The following PCDHA12 variants were observed in gnomAD, a reference collection of about 807,000 sequenced individuals.
PCDHA12 encodes protocadherin alpha 12.
A neutral mutation model predicts 60.0 loss-of-function variants in PCDHA12; 44 were observed. The observed-to-expected ratio is 0.73, with a 90% CI of 0.58 to 0.94. PCDHA12 has a LOEUF of 0.94. Ranked by LOEUF, PCDHA12 falls within the 40% of genes least tolerant of loss-of-function variation. The pLI, the probability that PCDHA12 is intolerant of heterozygous loss-of-function variation, is 0.00. For missense variants in PCDHA12, 1,276 were observed against 1,239.7 expected (o/e 1.03, Z -0.44); for synonymous variants, 569 against 553.0 (o/e 1.03, Z -0.40).
At chr5:140,901,433 A>G (rs1472475784) in intron 1 of PCDHA12, among the ~76,000 whole-genome samples, 2 of 152,104 alleles carry the variant, frequency 1.3e-5, no homozygotes, top group Non-Finnish European at 2.9e-5. Flanking sequence ...CTGCATATGG[A>G]TATCTAGTTT....
chr5:140,922,085 AT>A (rs1453055437), intron 1 of PCDHA12, among the ~76,000 whole-genome samples: 1 of 152,194 alleles, frequency 6.6e-6, no homozygotes, highest in Non-Finnish European at 1.5e-5. Context: ...AAAAAGTGGT[AT>A]TTCTACCAAC....
In PCDHA12 at chr5:140,876,795, G is replaced by A. The variant is rs782560755; in HGVS notation, c.1323G>A (p.Val441=). ...GSPSLWATAR[V]SVEVADVNDN... is the part of the protein sequence containing the mutation. ...CTTCGCTGTGGGCCACGGCTAGAGTGTCCGTGGAGGTGGCCGACGTGAACG... is the reference window on the plus strand; with the variant it reads ...CTTCGCTGTGGGCCACGGCTAGAGTATCCGTGGAGGTGGCCGACGTGAACG... Residue 441 remains valine (V), a synonymous_variant, in exon 1 of 4, where the codon GTG becomes GTA. Transcript: ENST00000398631. 6.0e-5 allele frequency: 97 copies of A among 1,614,108 alleles called. No homozygotes were observed. The highest frequency in any genetic ancestry group is 7.5e-5 in the Non-Finnish European group (88 of 1,180,046).
rs370156477 is a variant in PCDHA12 at position 140,876,942 on chromosome 5, G to A, written c.1470G>A (p.Val490=). The A allele has an allele frequency of 2.2e-5, 35 of 1,613,660 alleles. 1 individual carries two copies. In the African/African-American group the frequency reaches 4.4e-4, roughly 20 times the overall value. Residue 490 remains valine (V), a synonymous_variant, in exon 1 of 4, where the codon GTG becomes GTA. Transcript: ENST00000398631. ...CGGACGCGCAGAAGAACGCGCTGGT[G>A]TCCTACTCGCTGGTGGAGCGGCGGG... ...WDADAQKNAL[V]SYSLVERRVG... is the part of the protein sequence containing the mutation.
At chr5:140,897,395 G>A (rs1583270355) in intron 1 of PCDHA12, among the ~76,000 whole-genome samples, 1 of 135,586 alleles carries the variant, frequency 7.4e-6, no homozygotes, top group Middle Eastern at 5.0e-3. Flanking sequence ...GTGTCCATGT[G>A]TTCTCATTGT....
intron 3 of PCDHA12, among the ~76,000 whole-genome samples, chr5:140,991,829 G>A (rs530610195): frequency 3.3e-5 from 5 of 152,196 alleles, no homozygotes; most frequent in South Asian, 2.1e-4. Flanking sequence ...CATTTATAAC[G>A]GCAGAACCGC....
chr5:140,933,539 G>A (rs1173969458), intron 1 of PCDHA12, among the ~76,000 whole-genome samples: 1 of 152,018 alleles, frequency 6.6e-6, no homozygotes, highest in Non-Finnish European at 1.5e-5. Flanking sequence ...TCAAAATAAT[G>A]TTAATATAAA....
At chr5:140,904,558 T>C (rs1288543737) in intron 1 of PCDHA12, among the ~76,000 whole-genome samples, 1 of 152,082 alleles carries the variant, frequency 6.6e-6, no homozygotes, top group Non-Finnish European at 1.5e-5. Flanking sequence ...ATAATGACTT[T>C]TTTTTCCTCT....
intron 1 of PCDHA12, chr5:140,884,397 T>C: frequency 6.2e-7 from 1 of 1,613,992 alleles, no homozygotes; most frequent in South Asian, 1.1e-5. Flanking sequence ...GTGTCCAGCC[T>C]GTTGGTGCTC....
intron 1 of PCDHA12, chr5:140,927,637 G>C (rs1554204838): frequency 6.2e-7 from 1 of 1,614,176 alleles, no homozygotes; most frequent in Non-Finnish European, 8.5e-7. Flanking sequence ...TGCACCCAAT[G>C]GGACTGTGTT....
chr5:140,915,312 C>T (rs781796761), intron 1 of PCDHA12, among the ~76,000 whole-genome samples: 2 of 152,122 alleles, frequency 1.3e-5, no homozygotes, highest in Non-Finnish European at 2.9e-5. Flanking sequence ...TTACATACCA[C>T]AATTACAGTG....
chr5:140,911,040 A>G (rs970284436), intron 1 of PCDHA12, among the ~76,000 whole-genome samples: 15 of 152,034 alleles, frequency 9.9e-5, no homozygotes, highest in Non-Finnish European at 2.2e-4. Context: ...CTAGAAGCAA[A>G]CAGGGGTGGT....
Position 140,877,311 on chromosome 5 carries a change from G to C in PCDHA12, c.1839G>C (p.Pro613=), listed in dbSNP as rs200978234. 101 of 1,613,852 alleles carry C rather than the reference G, an allele frequency of 6.3e-5. No individual in the cohort carries two copies. The highest frequency in any genetic ancestry group is 7.9e-5 in the Non-Finnish European group (93 of 1,179,882). The part of the protein sequence containing the change: ...YNAWLSYELQ[P]AAVGAHIPFH... ...CTTGGCTGTCCTACGAGTTGCAACC[G>C]GCGGCGGTCGGCGCGCACATCCCGT... Residue 613 remains proline, a synonymous_variant, in exon 1 of 4, where the codon CCG becomes CCC. Transcript: ENST00000398631.
chr5:140,962,806 A>G (rs2095710017), intron 1 of PCDHA12, among the ~76,000 whole-genome samples: 1 of 152,204 alleles, frequency 6.6e-6, no homozygotes, highest in Admixed American at 6.5e-5. Context: ...ACAACTCTAA[A>G]CATCAGAGAT....
chr5:140,928,012 A>C, intron 1 of PCDHA12: 2 of 1,614,190 alleles, frequency 1.2e-6, no homozygotes, highest in Non-Finnish European at 1.7e-6. Context: ...TTCTAATGGT[A>C]GGGTCATTTG....
intron 1 of PCDHA12, among the ~76,000 whole-genome samples, chr5:140,959,091 G>A (rs1257984257): frequency 3.3e-5 from 5 of 152,048 alleles, no homozygotes; most frequent in African/African-American, 1.2e-4. Context: ...CTTGGTTTCG[G>A]ACATTCAGCA....
intron 1 of PCDHA12, among the ~76,000 whole-genome samples, chr5:140,895,392 C>T (rs983338513): frequency 6.6e-5 from 10 of 152,148 alleles, no homozygotes; most frequent in African/African-American, 2.4e-4. Context: ...CAATTCTCAA[C>T]ACCATCAAAA....
intron 1 of PCDHA12, among the ~76,000 whole-genome samples, chr5:140,903,753 A>ACTTGATGACCCATAGTCAAATGTTCAG (rs2070561730): frequency 2.0e-5 from 3 of 152,186 alleles, no homozygotes; most frequent in Non-Finnish European, 4.4e-5. Flanking sequence ...GTTTCCCTTG[A>ACTTGATGACCCATAGTCAAATGTTCAG]TTTTTGCTGA....
At chr5:140,966,172 G>A in intron 1 of PCDHA12, 1 of 184,672 alleles carries the variant, frequency 5.4e-6, no homozygotes, top group East Asian at 1.4e-4. Context: ...TTTTCCTGGG[G>A]AGCTGATAGC....
At chr5:140,912,689 C>T (rs879967123) in intron 1 of PCDHA12, among the ~76,000 whole-genome samples, 1 of 152,112 alleles carries the variant, frequency 6.6e-6, no homozygotes, top group Admixed American at 6.5e-5. Context: ...TTCCAGGTCT[C>T]AGGGGGAATG....
Sources: allele counts gnomAD v4.1 joint callset (sites outside exome capture counted in the v4.1 genomes callset), GRCh38; gene constraint gnomAD v4.1.1; transcripts MANE v1.5; gene names NCBI Gene and HGNC (gene_info 2026-07-23, HGNC 2026-07-21).